UBE3D: variants seen among roughly 807,000 people sequenced by gnomAD.
The protein encoded by UBE3D is ubiquitin protein ligase E3D, also known as E3 ubiquitin-protein ligase E3D.
UBE3D carries 48 observed loss-of-function variants against 49.6 expected under a neutral mutation model. The observed-to-expected ratio is 0.97, with a 90% CI of 0.77 to 1.23. The LOEUF is 1.23. Among genes scored for constraint, UBE3D ranks in the 50% most tolerant of loss-of-function variants. The pLI, the probability that UBE3D is intolerant of heterozygous loss-of-function variation, is 0.00. For missense variants in UBE3D, 452 were observed against 468.4 expected (o/e 0.96, Z 0.32); for synonymous variants, 189 against 174.2 (o/e 1.08, Z -0.67).
At chr6:82,881,121 G>T in the UBE3D span, among the ~76,000 whole-genome samples, 1 of 152,170 alleles carries the variant, frequency 6.6e-6, no homozygotes, top group Non-Finnish European at 1.5e-5. Flanking sequence ...TCAGTTGCAG[G>T]ATTCAGTTGT....
chr6:83,004,158 G>A (rs552896284), intron 8 of UBE3D, among the ~76,000 whole-genome samples: 26 of 152,258 alleles, frequency 1.7e-4, no homozygotes, highest in African/African-American at 6.0e-4. Flanking sequence ...TGCTACTGAT[G>A]TTACAGATTA....
At chr6:83,025,677 G>T (rs911721818) in intron 5 of UBE3D, among the ~76,000 whole-genome samples, 2 of 151,912 alleles carry the variant, frequency 1.3e-5, no homozygotes, top group African/African-American at 4.8e-5. Flanking sequence ...GGGGTCAGGC[G>T]TTTGAGACCA....
At chr6:83,014,168 T>C (rs1050202235) in intron 8 of UBE3D, among the ~76,000 whole-genome samples, 20 of 152,226 alleles carry the variant, frequency 1.3e-4, no homozygotes, top group Non-Finnish European at 2.9e-4. Flanking sequence ...CTTACAATAA[T>C]CCACTGTCGT....
At chr6:82,897,256 A>G (rs2127713476) in intron 9 of UBE3D, among the ~76,000 whole-genome samples, 1 of 152,160 alleles carries the variant, frequency 6.6e-6, no homozygotes, top group Non-Finnish European at 1.5e-5. Flanking sequence ...TATGGTGGAA[A>G]AGGAAAAGGA....
intron 9 of UBE3D, among the ~76,000 whole-genome samples, chr6:82,897,690 A>G (rs1018446060): frequency 6.6e-6 from 1 of 152,340 alleles, no homozygotes; most frequent in South Asian, 2.1e-4. Context: ...AAACAAAAAT[A>G]AAATTAAAAA....
chr6:83,002,439 C>T (rs976558565), intron 8 of UBE3D, among the ~76,000 whole-genome samples: 9 of 152,168 alleles, frequency 5.9e-5, no homozygotes, highest in African/African-American at 2.2e-4. Context: ...AATCCCAGCA[C>T]TTTGGGAGGC....
intron 9 of UBE3D, among the ~76,000 whole-genome samples, chr6:82,893,474 T>C (rs1393975799): frequency 6.6e-6 from 1 of 152,182 alleles, no homozygotes; most frequent in Non-Finnish European, 1.5e-5. Flanking sequence ...TTATATTGGT[T>C]GGTCAGCAGC....
chr6:82,992,334 C>T (rs1582573520), intron 8 of UBE3D, among the ~76,000 whole-genome samples: 1 of 151,354 alleles, frequency 6.6e-6, no homozygotes, highest in Admixed American at 6.6e-5. Context: ...GCAATTCTCC[C>T]GCCTCAGCTT....
chr6:82,985,432 G>A (rs556770935), intron 8 of UBE3D, among the ~76,000 whole-genome samples: 14 of 152,012 alleles, frequency 9.2e-5, no homozygotes, highest in East Asian at 3.9e-4. Context: ...GTGCAATCTC[G>A]GCTCACTACA....
At chr6:82,918,389 CTTA>C (rs1214762191) in intron 9 of UBE3D, among the ~76,000 whole-genome samples, 1 of 151,854 alleles carries the variant, frequency 6.6e-6, no homozygotes, top group Non-Finnish European at 1.5e-5. Flanking sequence ...ATATGTATGA[CTTA>C]TTATAAAGGT....
intron 5 of UBE3D, among the ~76,000 whole-genome samples, chr6:83,026,661 A>C (rs562811238): frequency 6.6e-6 from 1 of 152,086 alleles, no homozygotes; most frequent in Non-Finnish European, 1.5e-5. Context: ...GGACTAAACT[A>C]AACCTTTTTA....
At chr6:82,975,005 AAATAC>A (rs1343741719) in intron 8 of UBE3D, among the ~76,000 whole-genome samples, 1 of 152,150 alleles carries the variant, frequency 6.6e-6, no homozygotes, top group Non-Finnish European at 1.5e-5. Flanking sequence ...AAAATAACAA[AAATAC>A]AATAATTTAT....
intron 5 of UBE3D, among the ~76,000 whole-genome samples, chr6:83,031,052 G>A (rs970609206): frequency 6.6e-6 from 1 of 152,150 alleles, no homozygotes; most frequent in Non-Finnish European, 1.5e-5. Flanking sequence ...CTGTTGCCCA[G>A]GCTGGAGTGC....
chr6:83,062,290 A>G (rs1220270164), intron 1 of UBE3D, among the ~76,000 whole-genome samples: 1 of 152,218 alleles, frequency 6.6e-6, no homozygotes, highest in Non-Finnish European at 1.5e-5. Flanking sequence ...AAATGCTAAG[A>G]TATCTTAATA....
At chr6:82,950,402 A>AG (rs1775706396) in intron 9 of UBE3D, among the ~76,000 whole-genome samples, 3 of 152,186 alleles carry the variant, frequency 2.0e-5, no homozygotes, top group African/African-American at 7.2e-5. Context: ...GAACTCTCTT[A>AG]CACTGTTGGT....
chr6:82,945,998 C>T (rs966097935), intron 9 of UBE3D, among the ~76,000 whole-genome samples: 2 of 152,110 alleles, frequency 1.3e-5, no homozygotes, highest in South Asian at 2.1e-4. Flanking sequence ...ATGAAGCATA[C>T]ATACAAGATC....
intron 9 of UBE3D, among the ~76,000 whole-genome samples, chr6:82,947,482 T>G (rs1197922746): frequency 6.6e-6 from 1 of 151,994 alleles, no homozygotes; most frequent in Non-Finnish European, 1.5e-5. Flanking sequence ...ATCCAATGGT[T>G]GTAGAATACA....
In UBE3D at chr6:83,063,769, T is replaced by G. The variant is rs190045885; in HGVS notation, c.77+1873A>C. 2.4e-4 allele frequency among the ~76,000 whole-genome samples: 37 copies of G among 152,168 alleles called. No homozygotes were observed. In the East Asian group the frequency reaches 6.9e-3, roughly 29 times the overall value. On this transcript the variant is annotated intron_variant, in intron 1 of 9. Transcript: ENST00000369747. ...CAAAATGTAAAGTAGTTGAAACTCA[T>G]TTTTTTTCTGGTTGAACGTGCAAAC... is the stretch of plus-strand genomic sequence containing the variant.
At chr6:82,924,730 T>C (rs1010772112) in intron 9 of UBE3D, 2 of 152,206 alleles carry the variant, frequency 1.3e-5, no homozygotes, top group Admixed American at 1.3e-4. Flanking sequence ...TTAAAATTTT[T>C]TCATCCATTT....
Sources: gnomAD v4.1 joint callset for allele counts (sites outside exome capture counted in the v4.1 genomes callset) on GRCh38, gnomAD v4.1.1 for gene constraint, MANE v1.5 for transcripts, NCBI Gene and HGNC (gene_info 2026-07-23, HGNC 2026-07-21) for gene names.